ZC3H13: variants seen among roughly 807,000 people sequenced by gnomAD.
ZC3H13 encodes the protein zinc finger CCCH domain-containing protein 13.
ZC3H13 carries 64 observed loss-of-function variants against 204.1 expected under a neutral mutation model. That is an observed-to-expected ratio of 0.31 (90% CI 0.26 to 0.39). The LOEUF is 0.39. ZC3H13 is among the 10% of genes least tolerant of loss of function. ZC3H13 has a pLI of 1.00. For synonymous variants in ZC3H13, 667 were observed against 693.7 expected (o/e 0.96, Z 0.60); for missense variants, 1,833 against 2,082.7 (o/e 0.88, Z 2.33).
intron 4 of ZC3H13, among the ~76,000 whole-genome samples, chr13:46,021,549 A>C (rs890049642): frequency 4.4e-4 from 67 of 152,054 alleles, no homozygotes; most frequent in African/African-American, 1.5e-3. Flanking sequence ...TTCTCTTTGT[A>C]GTTTTCTTCT....
intron 18 of ZC3H13, among the ~76,000 whole-genome samples, 182 bp from the exon 19 acceptor site, chr13:45,957,479 A>G (rs1326853596): frequency 6.6e-6 from 1 of 152,228 alleles, no homozygotes; most frequent in African/African-American, 2.4e-5. Context: ...TGAATCTTTG[A>G]AAAGAAACTT....
intron 18 of ZC3H13, among the ~76,000 whole-genome samples, chr13:45,958,806 C>G (rs541330211): frequency 1.3e-5 from 2 of 152,112 alleles, no homozygotes; most frequent in Admixed American, 1.3e-4. Flanking sequence ...AGATGCCCGC[C>G]ACCATGCCCG....
At chr13:45,991,039 C>G (rs1432094180) in intron 8 of ZC3H13, among the ~76,000 whole-genome samples, 1 of 152,102 alleles carries the variant, frequency 6.6e-6, no homozygotes, top group African/African-American at 2.4e-5. Context: ...TGGGCTCAAG[C>G]CATCATCCTG....
At chr13:46,004,069 C>T (rs369653567) in intron 7 of ZC3H13, among the ~76,000 whole-genome samples, 2 of 151,664 alleles carry the variant, frequency 1.3e-5, no homozygotes, top group Admixed American at 6.6e-5. Context: ...TTATAGAATG[C>T]GAGAAAATAT....
In ZC3H13 at chr13:46,042,221, T is replaced by C; in HGVS notation, c.282A>G (p.Gln94=). ...DLRERMKNKR[Q]DVDTEPQKRN... is the part of the protein sequence containing the mutation. ...GTTTCTGGGGCTCAGTGTCCACGTC[T>C]TGGCGCTTGTTCTTCATTCTTTCTC... The change falls in exon 4 of 19, where the codon CAA becomes CAG. Residue 94 remains glutamine (Q), a synonymous_variant. Coordinates refer to ENST00000679008, the MANE Select transcript of ZC3H13 (RefSeq NM_001330564.2). 1 of 1,613,558 alleles carries C rather than the reference T, an allele frequency of 6.2e-7. No homozygotes were observed. The highest frequency in any genetic ancestry group is 1.3e-5 in the African/African-American group (1 of 75,032).
chr13:46,045,864 C>T (rs1214553118), intron 1 of ZC3H13, among the ~76,000 whole-genome samples: 1 of 152,062 alleles, frequency 6.6e-6, no homozygotes, highest in Non-Finnish European at 1.5e-5. Context: ...AAGTTACTTA[C>T]AAAAATTGCT....
At position 46,033,100 on chromosome 13, in the gene ZC3H13, A is replaced by C. The variant is rs571338267; in HGVS notation, c.339+9064T>G. On this transcript the variant is annotated intron_variant, in intron 4 of 18. Coordinates refer to ENST00000679008, the MANE Select transcript of ZC3H13 (RefSeq NM_001330564.2). ...GGGACAGAAGTTAAAGACTTTTCTG[A>C]ATGTAAAACTGTTTTGTAAATTTAG... Among the ~76,000 whole-genome samples the C allele has an allele frequency of 5.3e-5, 8 of 152,256 alleles. No individual in the cohort carries two copies. The East Asian group carries it at 1.5e-3, about 29-fold the overall frequency.
At chr13:45,968,712 G>A in intron 14 of ZC3H13, 36 bp downstream of exon 14, 3 of 1,536,204 alleles carry the variant, frequency 2.0e-6, no homozygotes, top group African/African-American at 1.4e-5. Flanking sequence ...TACTAACCTA[G>A]GAAACAGTGA....
intron 8 of ZC3H13, 101 bp from the exon 9 acceptor site, chr13:45,989,198 C>A (rs980279067): frequency 3.5e-6 from 4 of 1,131,058 alleles, no homozygotes; most frequent in Non-Finnish European, 5.0e-6. Flanking sequence ...AAAGTATAGA[C>A]AATAACTTCA....
intron 8 of ZC3H13, among the ~76,000 whole-genome samples, chr13:46,000,182 T>A (rs9534276): frequency 2.0e-5 from 3 of 152,128 alleles, no homozygotes; most frequent in Middle Eastern, 3.4e-3. Context: ...CCAGCTGCAC[T>A]GGCCCCTAAC....
chr13:46,042,590 C>T (rs2043666342), intron 3 of ZC3H13, among the ~76,000 whole-genome samples: 1 of 152,000 alleles, frequency 6.6e-6, no homozygotes, highest in Non-Finnish European at 1.5e-5. Context: ...GAACTAATAG[C>T]TTGACTTGTT....
chr13:46,008,648 G>C (rs567250239), intron 7 of ZC3H13, among the ~76,000 whole-genome samples: 71 of 152,206 alleles, frequency 4.7e-4, no homozygotes, highest in African/African-American at 1.7e-3. Context: ...GATAAGACAA[G>C]GAAGAAAGGG....
In ZC3H13 at chr13:45,975,488, C is replaced by G. The variant is rs1209128129; in HGVS notation, c.2263G>C (p.Glu755Gln). 1 of 1,612,922 alleles carries G rather than the reference C, an allele frequency of 6.2e-7. No homozygotes were observed. The highest frequency in any genetic ancestry group is 1.3e-5 in the African/African-American group (1 of 74,754). Residue 755 changes from glutamate (E) to glutamine (Q), a missense_variant, in exon 12 of 19, where the codon GAG (glutamate) becomes CAG (glutamine). Physicochemically the swap from Glu to Gln is conservative, Grantham distance 29. Transcript: ENST00000679008. ...REKERERERE[E>Q]RERERERERE... ...TCTCGCTCTCTCTCCCTCTCTCTCT[C>G]TTCTCTTTCTCGTTCCCGTTCTTTT...
chr13:45,964,067 T>A, intron 16 of ZC3H13, 25 bp from the exon 17 acceptor site: 1 of 1,592,560 alleles, frequency 6.3e-7, no homozygotes, highest in African/African-American at 1.4e-5. Flanking sequence ...AAAGTAAGAT[T>A]TGTTTTACAC....
chr13:45,963,494 T>C, intron 17 of ZC3H13: 1 of 1,046,678 alleles, frequency 9.6e-7, no homozygotes, highest in Non-Finnish European at 1.2e-6. Flanking sequence ...CAATCATGGC[T>C]CACTGCAGCC....
intron 1 of ZC3H13, among the ~76,000 whole-genome samples, chr13:46,047,770 CATT>C (rs1163744645): frequency 6.6e-6 from 1 of 152,136 alleles, no homozygotes; most frequent in Non-Finnish European, 1.5e-5. Context: ...TATATTGCTA[CATT>C]AATATACAAA....
Position 45,976,085 on chromosome 13 carries a change from C to A in ZC3H13, c.1913-247G>T, listed in dbSNP as rs544312151. ...CTGCTCCCCGTCAACCCCCTTCCCCCCTCCCACTGATCAATCTTTGATCTT... is the reference window on the plus strand; with the variant it reads ...CTGCTCCCCGTCAACCCCCTTCCCCACTCCCACTGATCAATCTTTGATCTT... On this transcript the variant is annotated intron_variant, in intron 11 of 18. Transcript: ENST00000679008. 1.8e-5 allele frequency: 16 copies of A among 872,626 alleles called. No homozygotes were observed. The Admixed American group carries it at 9.3e-4, about 51-fold the overall frequency. The allele number at this position is 872,626 out of a possible 1,614,324, so 54.1% of individuals were successfully genotyped here. A position where few individuals can be genotyped will look rare whatever the true frequency, so the allele number is the denominator to read the frequency against.
intron 17 of ZC3H13, among the ~76,000 whole-genome samples, chr13:45,961,029 A>G (rs1285348824): frequency 5.9e-5 from 9 of 152,222 alleles, no homozygotes. Flanking sequence ...TATCAGGATC[A>G]GCTGAGGAGC....
rs772342108 is a variant in ZC3H13 at position 45,967,791 on chromosome 13, C to T, written c.4034G>A (p.Arg1345Gln). The T allele has an allele frequency of 4.3e-6, 7 of 1,611,694 alleles. No homozygotes were observed. Among genetic ancestry groups the T allele is most frequent in the East Asian group, 2.2e-5 (1 of 44,750 alleles). ...RDRDRLRERERERERDKRRDL... is the reference protein window; with the variant it reads ...RDRDRLREREQERERDKRRDL... Reference sequence around the variant, plus strand: ...TCTCCTTTTGTCTCGTTCTCTCTCTCGTTCTCGTTCTCGCAATCTATCTCG... The same window carrying T: ...TCTCCTTTTGTCTCGTTCTCTCTCTTGTTCTCGTTCTCGCAATCTATCTCG... Residue 1345 changes from arginine to glutamine, a missense_variant, in exon 15 of 19, where the codon CGA (arginine) becomes CAA (glutamine). By Grantham distance (43) the Arg-to-Gln change is conservative. Transcript: ENST00000679008.
Sources: gnomAD v4.1 joint callset for allele counts (sites outside exome capture counted in the v4.1 genomes callset) on GRCh38, gnomAD v4.1.1 for gene constraint, MANE v1.5 for transcripts, NCBI Gene and HGNC (gene_info 2026-07-23, HGNC 2026-07-21) for gene names.